LRRC4C: variants seen among roughly 807,000 people sequenced by gnomAD.
LRRC4C encodes the protein leucine-rich repeat-containing protein 4C.
In LRRC4C, 5 loss-of-function variants were observed where a neutral mutation model predicts 33.6. That is an observed-to-expected ratio of 0.15 (90% CI 0.08 to 0.31). The LOEUF (loss-of-function observed/expected upper bound fraction) is 0.31. LRRC4C is among the 10% of genes least tolerant of loss of function. LRRC4C has a pLI of 1.00. For missense variants in LRRC4C, 560 were observed against 796.7 expected (o/e 0.70, Z 3.58); for synonymous variants, 329 against 302.0 (o/e 1.09, Z -0.93).
intron 3 of LRRC4C, among the ~76,000 whole-genome samples, chr11:40,491,986 T>C (rs1157107210): frequency 2.0e-5 from 3 of 152,144 alleles, no homozygotes; most frequent in Admixed American, 1.3e-4. Flanking sequence ...CCAAAGGAGA[T>C]AGCTTTATAT....
intron 1 of LRRC4C, among the ~76,000 whole-genome samples, chr11:41,304,411 T>C (rs1412115813): frequency 1.9e-4 from 9 of 48,426 alleles, no homozygotes; most frequent in South Asian, 1.3e-3. Context: ...GGGTCAGCCC[T>C]CCGCCCGGCC....
chr11:40,162,153 G>T (rs1439224938), intron 5 of LRRC4C, among the ~76,000 whole-genome samples: 1 of 150,024 alleles, frequency 6.7e-6, no homozygotes, highest in Admixed American at 6.7e-5. Context: ...TGGAAAACTG[G>T]TTCCAGAAGA....
intron 3 of LRRC4C, among the ~76,000 whole-genome samples, chr11:40,587,689 T>C (rs1032885297): frequency 6.6e-6 from 1 of 151,754 alleles, no homozygotes; most frequent in African/African-American, 2.4e-5. Context: ...GCATGAAGGG[T>C]TGTTGAATTT....
chr11:40,909,303 C>T (rs10837524), intron 2 of LRRC4C, among the ~76,000 whole-genome samples: 5,469 of 152,064 alleles, frequency 0.036, 329 homozygotes, highest in African/African-American at 0.13. Flanking sequence ...TTGTGGCTTG[C>T]TTTGACTAAA....
chr11:41,113,218 A>C (rs1376769518), intron 1 of LRRC4C, among the ~76,000 whole-genome samples: 1 of 152,038 alleles, frequency 6.6e-6, no homozygotes. Flanking sequence ...AAATTGATCC[A>C]CCGCTCATCA....
intron 2 of LRRC4C, among the ~76,000 whole-genome samples, chr11:40,739,581 A>G (rs906797118): frequency 2.0e-5 from 3 of 152,052 alleles, no homozygotes; most frequent in African/African-American, 7.2e-5. Context: ...ACTCAACTTG[A>G]ATTGTAATCC....
chr11:40,531,019 G>T (rs1956250020), intron 3 of LRRC4C, among the ~76,000 whole-genome samples: 1 of 152,070 alleles, frequency 6.6e-6, no homozygotes, highest in Admixed American at 6.6e-5. Flanking sequence ...AGTATTGAAA[G>T]CATTCAAAAC....
intron 1 of LRRC4C, among the ~76,000 whole-genome samples, chr11:41,305,933 A>C (rs538535364): frequency 6.7e-6 from 1 of 149,230 alleles, no homozygotes; most frequent in African/African-American, 2.4e-5. Flanking sequence ...TAATAAAATA[A>C]AATAAATAAA....
intron 5 of LRRC4C, among the ~76,000 whole-genome samples, chr11:40,210,376 A>G (rs919082720): frequency 1.3e-5 from 2 of 152,234 alleles, no homozygotes; most frequent in African/African-American, 2.4e-5. Flanking sequence ...AGCACAGAGA[A>G]TATTTCTTAT....
In LRRC4C at chr11:41,080,414, C is replaced by T. The variant is rs571345504; in HGVS notation, c.-495-146691G>A. ...TTGCCCAGGGTGGAGTGCAATGGCA[C>T]GATCTGGGCTCACTGCAACCTCTGC... is the stretch of plus-strand genomic sequence containing the variant. On this transcript the variant is annotated intron_variant, in intron 1 of 6. Transcript: ENST00000528697. 3.9e-3 allele frequency among the ~76,000 whole-genome samples: 556 copies of T among 142,162 alleles called. 2 individuals are homozygous for T. The highest frequency in any genetic ancestry group is 4.2e-3 in the Non-Finnish European group (278 of 66,640). 93.3% of individuals were successfully genotyped at this position (142,162 alleles called of 152,430 possible).
intron 2 of LRRC4C, among the ~76,000 whole-genome samples, chr11:40,827,589 T>A (rs1952217863): frequency 6.6e-6 from 1 of 151,888 alleles, no homozygotes; most frequent in Non-Finnish European, 1.5e-5. Context: ...TGTATCAACA[T>A]GTGAATTCTA....
At chr11:40,745,093 A>G (rs556554674) in intron 2 of LRRC4C, among the ~76,000 whole-genome samples, 1 of 152,336 alleles carries the variant, frequency 6.6e-6, no homozygotes, top group South Asian at 2.1e-4. Context: ...TGCACATGGA[A>G]TGCATAAGCA....
intron 2 of LRRC4C, among the ~76,000 whole-genome samples, chr11:40,804,311 A>C (rs1351858813): frequency 6.6e-6 from 1 of 152,212 alleles, no homozygotes; most frequent in East Asian, 1.9e-4. Flanking sequence ...AAATGCAAAA[A>C]TATTCACTAG....
At chr11:41,429,688 A>G (rs970135762) in intron 1 of LRRC4C, among the ~76,000 whole-genome samples, 12 of 152,166 alleles carry the variant, frequency 7.9e-5, no homozygotes, top group African/African-American at 2.7e-4. Flanking sequence ...TGGCCACTGC[A>G]GTGAATAAGC....
At chr11:40,602,998 C>T (rs1011558426) in intron 3 of LRRC4C, among the ~76,000 whole-genome samples, 3 of 151,926 alleles carry the variant, frequency 2.0e-5, no homozygotes, top group African/African-American at 7.3e-5. Context: ...CTTAAAAAGA[C>T]AAGGACAAAA....
chr11:40,296,987 T>C (rs1041707860), intron 4 of LRRC4C, among the ~76,000 whole-genome samples: 19 of 152,316 alleles, frequency 1.2e-4, no homozygotes, highest in African/African-American at 4.6e-4. Flanking sequence ...TCTACTTTTG[T>C]TCTTCTCTGA....
Position 40,635,772 on chromosome 11 carries a change from G to C in LRRC4C, c.-270+12370C>G, listed in dbSNP as rs532015409. ...CTGCCTCAGCCTTCCGAGTAGCTGG[G>C]ACTACAGGCGCCCGCCACCATGCCC... is the stretch of plus-strand genomic sequence containing the variant. On this transcript the variant is annotated intron_variant, in intron 3 of 6. Coordinates refer to ENST00000528697, the MANE Select transcript of LRRC4C (RefSeq NM_001258419.2). Among the ~76,000 whole-genome samples, 249 of 151,596 alleles carry C rather than the reference G, an allele frequency of 1.6e-3. 1 individual carries two copies. The highest frequency in any genetic ancestry group is 5.9e-3 in the African/African-American group (242 of 41,334).
intron 3 of LRRC4C, among the ~76,000 whole-genome samples, chr11:40,572,230 A>G (rs11035934): frequency 0.34 from 51,676 of 152,120 alleles, 8,897 homozygotes; most frequent in Middle Eastern, 0.4. Context: ...AGGATAGGCT[A>G]GAAACTGTTG....
chr11:40,304,586 C>G (rs573129308), intron 4 of LRRC4C, among the ~76,000 whole-genome samples: 11 of 151,954 alleles, frequency 7.2e-5, no homozygotes, highest in East Asian at 1.9e-4. Flanking sequence ...CAGAAGCTAC[C>G]CTTTTAGACA....
Sources: gnomAD v4.1 joint callset for allele counts (sites outside exome capture counted in the v4.1 genomes callset) on GRCh38, gnomAD v4.1.1 for gene constraint, MANE v1.5 for transcripts, NCBI Gene and HGNC (gene_info 2026-07-23, HGNC 2026-07-21) for gene names.